DCPS: variants seen among roughly 807,000 people sequenced by gnomAD.
DCPS encodes decapping enzyme, scavenger, also known as m7GpppX diphosphatase.
DCPS carries 27 observed loss-of-function variants against 34.7 expected under a neutral mutation model. The ratio of observed to expected loss-of-function variants is 0.78; its 90% CI spans 0.57 to 1.07. DCPS has a LOEUF of 1.07. Ranked by LOEUF, DCPS falls within the 50% of genes least tolerant of loss-of-function variation. The pLI is 0.00. For missense variants in DCPS, 464 were observed against 436.9 expected (o/e 1.06, Z -0.55); for synonymous variants, 185 against 185.7 (o/e 1.00, Z 0.03).
In DCPS at chr11:126,333,929, C is replaced by G. The variant is rs914167930; in HGVS notation, c.522+2379C>G. 2.0e-5 allele frequency among the ~76,000 whole-genome samples: 3 copies of G among 152,024 alleles called. No homozygotes were observed. Among genetic ancestry groups the G allele is most frequent in the Non-Finnish European group, 2.9e-5 (2 of 68,032 alleles). ...CAACCATCAGATGTGAGAACAGTTG[C>G]CATAGGCAGTGAGGGTGCCCTAAAC... On this transcript the variant is annotated intron_variant, in intron 3 of 5. Coordinates refer to ENST00000263579, the MANE Select transcript of DCPS (RefSeq NM_014026.6). The surrounding 1 kb of genome is among the most constrained non-coding windows in gnomAD (Gnocchi z 5.7).
rs1028560323 is a variant in DCPS, at chr11:126,345,598, G to A, written c.999G>A (p.Glu333=). ...ADDPLLKLLQ[E]AQQS ...ACCCCCTGCTCAAGCTCTTGCAGGA[G>A]GCTCAGCAAAGCTGAATTAACTCAG... Residue 333 remains glutamate, a synonymous_variant, in exon 6 of 6, where the codon GAG becomes GAA. Coordinates refer to ENST00000263579, the MANE Select transcript of DCPS (RefSeq NM_014026.6). This position sits in a 1 kb window ranked among gnomAD's most constrained non-coding sequence, Gnocchi z 7.4. 13 of 1,613,082 alleles carry A rather than the reference G, an allele frequency of 8.1e-6. No homozygotes were observed. In the East Asian group the frequency reaches 1.3e-4, roughly 17 times the overall value.
At chr11:126,308,822 C>G (rs1285080349) in intron 2 of DCPS, among the ~76,000 whole-genome samples, 1 of 146,626 alleles carries the variant, frequency 6.8e-6, no homozygotes, top group African/African-American at 2.5e-5. Context: ...CCCAGTCCTT[C>G]TGTGGCATTG....
chr11:126,346,389 A>G lies in DCPS; in HGVS notation c.*776A>G, dbSNP rs1951929679. ...GGGCAAATGATATGGTTGCAGTTGA[A>G]TACAAAAGCCCGGAGGCGGCTCGGG... On this transcript the variant is annotated 3_prime_UTR_variant, in exon 6 of 6. Transcript: ENST00000263579. This position sits in a 1 kb window ranked among gnomAD's most constrained non-coding sequence, Gnocchi z 4.1. 6.6e-6 allele frequency among the ~76,000 whole-genome samples: 1 copy of G among 152,260 alleles called. No individual in the cohort carries two copies. The highest frequency in any genetic ancestry group is 2.1e-4 in the South Asian group (1 of 4,836).
Position 126,321,649 on chromosome 11 carries a change from CTAAA to C in DCPS, c.377-9751_377-9748del, listed in dbSNP as rs1951707201. Among the ~76,000 whole-genome samples, 3 of 151,748 alleles carry C rather than the reference CTAAA, an allele frequency of 2.0e-5. No homozygotes were observed. In the South Asian group the frequency reaches 6.3e-4, roughly 32 times the overall value. On this transcript the variant is annotated intron_variant, in intron 2 of 5. Transcript: ENST00000263579. ...GTGGACAGGCAAGGGTGAGCAGACT[CTAAA>C]TAAAGCCTCAGCTGAAAAAGAGAAG...
In DCPS at chr11:126,306,686, G is replaced by T. The variant is rs1173452641; in HGVS notation, c.318G>T (p.Leu106Phe). 3 of 1,613,678 alleles carry T rather than the reference G, an allele frequency of 1.9e-6. No individual in the cohort carries two copies. Among genetic ancestry groups the T allele is most frequent in the Non-Finnish European group, 2.5e-6 (3 of 1,179,636 alleles). ...QLLTGSPELQ[L>F]QFSNDIYSTY... ...TGACGGGCAGCCCTGAGCTCCAGTT[G>T]CAGTTCTCCAATGATATCTACAGCA... Residue 106 changes from leucine (L) to phenylalanine (F), a missense_variant, in exon 2 of 6, where the codon TTG (leucine) becomes TTT (phenylalanine). Transcript: ENST00000263579.
rs868861146 is a variant in DCPS, at chr11:126,306,682, A to G, written c.314A>G (p.Gln105Arg). 6.2e-7 allele frequency: 1 copy of G among 1,613,846 alleles called. No individual in the cohort carries two copies. Among genetic ancestry groups the G allele is most frequent in the Middle Eastern group, 1.6e-4 (1 of 6,062 alleles). Residue 105 changes from glutamine (Q) to arginine (R), a missense_variant, in exon 2 of 6, where the codon CAG becomes CGG. By Grantham distance (43) the Gln-to-Arg change is conservative (BLOSUM62 1). Coordinates refer to ENST00000263579, the MANE Select transcript of DCPS (RefSeq NM_014026.6). Reference protein sequence around the residue: ...AQLLTGSPELQLQFSNDIYST... With the variant: ...AQLLTGSPELRLQFSNDIYST... ...CTCCTGACGGGCAGCCCTGAGCTCC[A>G]GTTGCAGTTCTCCAATGATATCTAC...
At position 126,335,438 on chromosome 11, in the gene DCPS, A is replaced by C. The variant is rs976400799; in HGVS notation, c.523-2848A>C. Reference sequence around the variant, plus strand: ...GTGTTTGTGTGAATTTTGTTCTTTCATTCTCCTTTTTTTTTATCTGGGCCC... The same window carrying C: ...GTGTTTGTGTGAATTTTGTTCTTTCCTTCTCCTTTTTTTTTATCTGGGCCC... On this transcript the variant is annotated intron_variant, in intron 3 of 5. Transcript: ENST00000263579. This position sits in a 1 kb window ranked among gnomAD's most constrained non-coding sequence, Gnocchi z 4.8. Among the ~76,000 whole-genome samples, 11 of 151,834 alleles carry C rather than the reference A, an allele frequency of 7.2e-5. No individual in the cohort carries two copies. Among genetic ancestry groups the C allele is most frequent in the Non-Finnish European group, 1.6e-4 (11 of 67,950 alleles).
Position 126,333,738 on chromosome 11 carries a change from T to A in DCPS, c.522+2188T>A, listed in dbSNP as rs1359680698. ...GCCAGGCGGAGGCACGTGGACTTTG[T>A]CCAGGGGGCCAGGAGTTCCTGAACC... On this transcript the variant is annotated intron_variant, in intron 3 of 5. Transcript: ENST00000263579. The surrounding 1 kb of genome is among the most constrained non-coding windows in gnomAD (Gnocchi z 5.7). 6.6e-6 allele frequency among the ~76,000 whole-genome samples: 1 copy of A among 152,190 alleles called. No homozygotes were observed. The highest frequency in any genetic ancestry group is 1.5e-5 in the Non-Finnish European group (1 of 68,032).
chr11:126,345,788 G>A lies in DCPS; in HGVS notation c.*175G>A. ...GCGTGGCCTGGGAGGCAGACAGATG[G>A]TGGGGGACAGTGGGTGGGTAGAACC... On this transcript the variant is annotated 3_prime_UTR_variant, in exon 6 of 6. Transcript: ENST00000263579. The surrounding 1 kb of genome is among the most constrained non-coding windows in gnomAD (Gnocchi z 7.4). The A allele has an allele frequency of 1.1e-6, 1 of 896,126 alleles. No individual in the cohort carries two copies. The highest frequency in any genetic ancestry group is 2.8e-5 in the Admixed American group (1 of 35,466). 55.5% of individuals were successfully genotyped at this position (896,126 alleles called of 1,614,324 possible). A position where few individuals can be genotyped will look rare whatever the true frequency, so the allele number is the denominator to read the frequency against.
rs1951951244 is a variant in DCPS, at chr11:126,347,855, C to T, written c.*2242C>T. On this transcript the variant is annotated 3_prime_UTR_variant, in exon 6 of 6. Coordinates refer to ENST00000263579, the MANE Select transcript of DCPS (RefSeq NM_014026.6). This position sits in a 1 kb window ranked among gnomAD's most constrained non-coding sequence, Gnocchi z 4.2. ...TTCCCCTCTGAAAGCAGATGTGGTC[C>T]CAACAAGCAAACACGGTCTCCATCT... is the stretch of plus-strand genomic sequence containing the variant. Among the ~76,000 whole-genome samples the T allele has an allele frequency of 1.3e-5, 2 of 152,136 alleles. No individual in the cohort carries two copies.
chr11:126,329,279 C>T lies in DCPS; in HGVS notation c.377-2126C>T, dbSNP rs1951764471. 2.0e-5 allele frequency among the ~76,000 whole-genome samples: 3 copies of T among 152,328 alleles called. No homozygotes were observed. The South Asian group carries it at 6.2e-4, about 32-fold the overall frequency. ...GGCCTTCATGCCCCTTTTTCAGGGT[C>T]AGATCCGGGGATTCCCAGGATTGGG... is the stretch of plus-strand genomic sequence containing the variant. On this transcript the variant is annotated intron_variant, in intron 2 of 5. Coordinates refer to ENST00000263579, the MANE Select transcript of DCPS (RefSeq NM_014026.6). This position sits in a 1 kb window ranked among gnomAD's most constrained non-coding sequence, Gnocchi z 5.0.
In DCPS at chr11:126,345,627, GA is replaced by G; in HGVS notation, c.*16del. On this transcript the variant is annotated 3_prime_UTR_variant, in exon 6 of 6. Transcript: ENST00000263579. This position sits in a 1 kb window ranked among gnomAD's most constrained non-coding sequence, Gnocchi z 7.4. ...CAGCAAAGCTGAATTAACTCAGGCA[GA>G]AGAGCACAGATGTGTGGGATTGGGG... 6.2e-7 allele frequency: 1 copy of G among 1,608,764 alleles called. No individual in the cohort carries two copies. Among genetic ancestry groups the G allele is most frequent in the African/African-American group, 1.3e-5 (1 of 75,004 alleles).
rs888291196 is a variant in DCPS at position 126,344,212 on chromosome 11, T to A, written c.747+795T>A. 6.6e-6 allele frequency among the ~76,000 whole-genome samples: 1 copy of A among 152,086 alleles called. No homozygotes were observed. The highest frequency in any genetic ancestry group is 1.5e-5 in the Non-Finnish European group (1 of 67,990). ...TTTTGACCAGTGATGCTTCGAGGTG[T>A]TAATGCAGACCTGGAGGCAAGGCTC... On this transcript the variant is annotated intron_variant, in intron 5 of 5. Coordinates refer to ENST00000263579, the MANE Select transcript of DCPS (RefSeq NM_014026.6). The surrounding 1 kb of genome is among the most constrained non-coding windows in gnomAD (Gnocchi z 8.1).
rs567544814 is a variant in DCPS, at chr11:126,323,105, C to T, written c.377-8300C>T. On this transcript the variant is annotated intron_variant, in intron 2 of 5. Transcript: ENST00000263579. This position sits in a 1 kb window ranked among gnomAD's most constrained non-coding sequence, Gnocchi z 4.4. Reference sequence around the variant, plus strand: ...TCAGCCTCCCAAAGTGTTGGGATTACAGGCATGAGCCACCACACCCAGCCA... The same window carrying T: ...TCAGCCTCCCAAAGTGTTGGGATTATAGGCATGAGCCACCACACCCAGCCA... Among the ~76,000 whole-genome samples the T allele has an allele frequency of 1.7e-4, 26 of 152,302 alleles. No individual in the cohort carries two copies. The highest frequency in any genetic ancestry group is 6.0e-4 in the African/African-American group (25 of 41,568).
intron 1 of DCPS, 118 bp downstream of exon 1, chr11:126,304,399 G>C (rs887579258): frequency 8.3e-6 from 10 of 1,203,806 alleles, no homozygotes; most frequent in Non-Finnish European, 1.2e-5. Flanking sequence ...TCACTCCGGG[G>C]AGGCGGGAGT....
At position 126,335,245 on chromosome 11, in the gene DCPS, G is replaced by A. The variant is rs939314637; in HGVS notation, c.523-3041G>A. 8.5e-5 allele frequency among the ~76,000 whole-genome samples: 13 copies of A among 152,220 alleles called. No individual in the cohort carries two copies. Among genetic ancestry groups the A allele is most frequent in the Admixed American group, 1.3e-4 (2 of 15,282 alleles). On this transcript the variant is annotated intron_variant, in intron 3 of 5. Coordinates refer to ENST00000263579, the MANE Select transcript of DCPS (RefSeq NM_014026.6). This position sits in a 1 kb window ranked among gnomAD's most constrained non-coding sequence, Gnocchi z 4.8. Reference sequence around the variant, plus strand: ...AAGATGTCTCACGGGAGGTCAAGGCGGGAGAGAGGGTACCGAGGGAGCTGC... The same window carrying A: ...AAGATGTCTCACGGGAGGTCAAGGCAGGAGAGAGGGTACCGAGGGAGCTGC...
At chr11:126,305,063 C>T (rs1288257342) in intron 1 of DCPS, among the ~76,000 whole-genome samples, 1 of 152,186 alleles carries the variant, frequency 6.6e-6, no homozygotes, top group East Asian at 1.9e-4. Flanking sequence ...GAACCTTGGC[C>T]TAGGCTTCCA....
In DCPS at chr11:126,332,008, A is replaced by G. The variant is rs1951797505; in HGVS notation, c.522+458A>G. On this transcript the variant is annotated intron_variant, in intron 3 of 5. Coordinates refer to ENST00000263579, the MANE Select transcript of DCPS (RefSeq NM_014026.6). This position sits in a 1 kb window ranked among gnomAD's most constrained non-coding sequence, Gnocchi z 5.4. The stretch of plus-strand genomic sequence containing the variant: ...GTGTGTCTGCTCTGCAGTAGCCTTG[A>G]TCCAGCCTCGGGATGACTGTGCCAT... Among the ~76,000 whole-genome samples the G allele has an allele frequency of 6.6e-6, 1 of 152,118 alleles. No individual in the cohort carries two copies. The highest frequency in any genetic ancestry group is 2.4e-5 in the African/African-American group (1 of 41,396).
rs376269984 is a variant in DCPS at position 126,344,285 on chromosome 11, T to G, written c.747+868T>G. On this transcript the variant is annotated intron_variant, in intron 5 of 5. Transcript: ENST00000263579. This position sits in a 1 kb window ranked among gnomAD's most constrained non-coding sequence, Gnocchi z 8.1. The stretch of plus-strand genomic sequence containing the variant: ...CTGCTGGGCCCCGATCTATCTTCCC[T>G]CCTGCTCACCCACGGCACCACCCCT... Among the ~76,000 whole-genome samples, 19 of 152,320 alleles carry G rather than the reference T, an allele frequency of 1.2e-4. No homozygotes were observed. In the East Asian group the frequency reaches 1.5e-3, roughly 12 times the overall value.
Sources: gnomAD v4.1 joint callset for allele counts (sites outside exome capture counted in the v4.1 genomes callset) on GRCh38, gnomAD v4.1.1 for gene constraint, Gnocchi (gnomAD v3.1) non-coding constraint, MANE v1.5 for transcripts, NCBI Gene and HGNC (gene_info 2026-07-23, HGNC 2026-07-21) for gene names.